The following STX6 variants were observed in gnomAD, a reference collection of about 807,000 sequenced individuals.
The protein encoded by STX6 is syntaxin 6.
STX6 carries 23 observed loss-of-function variants against 38.0 expected under a neutral mutation model. That is an observed-to-expected ratio of 0.60 (90% CI 0.43 to 0.86). STX6 has a LOEUF of 0.86. STX6 is among the 40% of genes least tolerant of loss of function. The pLI, the probability that STX6 is intolerant of heterozygous loss-of-function variation, is 0.00. For synonymous variants in STX6, 123 were observed against 107.5 expected (o/e 1.14, Z -0.89); for missense variants, 274 against 312.9 (o/e 0.88, Z 0.94).
At chr1:180,985,627 A>G (rs185117741) in intron 6 of STX6, among the ~76,000 whole-genome samples, 6 of 152,366 alleles carry the variant, frequency 3.9e-5, no homozygotes, top group Admixed American at 2.0e-4. Context: ...AACTGACTCC[A>G]GCAGGCTTAC....
intron 3 of STX6, among the ~76,000 whole-genome samples, chr1:181,000,971 A>G (rs1007131059): frequency 6.6e-6 from 1 of 152,126 alleles, no homozygotes; most frequent in Non-Finnish European, 1.5e-5. Flanking sequence ...TCATCAGAAC[A>G]GTATTTTGAA....
At chr1:180,984,517 C>A (rs1655514284) in intron 7 of STX6, among the ~76,000 whole-genome samples, 160 bp downstream of exon 7, 2 of 151,970 alleles carry the variant, frequency 1.3e-5, no homozygotes, top group Non-Finnish European at 2.9e-5. Flanking sequence ...CCACTGCACT[C>A]CAGCCTGGGT....
intron 5 of STX6, chr1:180,988,922 T>C (rs1655667740): frequency 6.6e-6 from 1 of 152,376 alleles, no homozygotes; most frequent in African/African-American, 2.4e-5. Context: ...AGAAAAAAAA[T>C]TTCCTGGGTT....
chr1:180,979,226 C>T (rs1368531169), intron 7 of STX6, among the ~76,000 whole-genome samples: 1 of 151,802 alleles, frequency 6.6e-6, no homozygotes, highest in Admixed American at 6.6e-5. Context: ...AATTTGTCAA[C>T]AGAAACCTGA....
intron 1 of STX6, among the ~76,000 whole-genome samples, chr1:181,011,581 G>GT (rs1227948239): frequency 1.3e-5 from 2 of 152,176 alleles, no homozygotes; most frequent in Non-Finnish European, 1.5e-5. Flanking sequence ...AGAACCACTT[G>GT]TAAGTACTTG....
chr1:181,016,442 G>A (rs1229722635), intron 1 of STX6, among the ~76,000 whole-genome samples: 2 of 152,024 alleles, frequency 1.3e-5, no homozygotes, highest in Non-Finnish European at 2.9e-5. Flanking sequence ...CCAAACTAAG[G>A]AGCTAAATAA....
chr1:180,980,023 A>G (rs1402590151), intron 7 of STX6, among the ~76,000 whole-genome samples: 2 of 152,144 alleles, frequency 1.3e-5, no homozygotes, highest in Non-Finnish European at 2.9e-5. Context: ...CCTGGCCAAC[A>G]TGGTGAAACC....
chr1:181,012,102 G>C (rs1267018655), intron 1 of STX6, among the ~76,000 whole-genome samples: 1 of 152,122 alleles, frequency 6.6e-6, no homozygotes, highest in Admixed American at 6.6e-5. Context: ...CCTTGAAGCA[G>C]GTATACCTTG....
chr1:181,022,171 A>G (rs6700216), intron 1 of STX6, among the ~76,000 whole-genome samples: 2,344 of 150,014 alleles, frequency 0.016, 61 homozygotes, highest in African/African-American at 0.049. Context: ...GTCTGCGGAC[A>G]AGCGCTCCAA....
In STX6 at chr1:180,976,657, G is replaced by A. The variant is rs1225757484; in HGVS notation, c.692-11C>T. Reference sequence around the variant, plus strand: ...ACCATTGGCGCCGATCTGGAAGGCAGGACATGGGGATTAGCTCTCACAGGG... The same window carrying A: ...ACCATTGGCGCCGATCTGGAAGGCAAGACATGGGGATTAGCTCTCACAGGG... On this transcript the variant is annotated splice_polypyrimidine_tract_variant and intron_variant, in intron 7 of 7. Coordinates refer to ENST00000258301, the MANE Select transcript of STX6 (RefSeq NM_005819.6). The A allele has an allele frequency of 1.2e-6, 2 of 1,612,542 alleles. No individual in the cohort carries two copies. The highest frequency in any genetic ancestry group is 1.7e-6 in the Non-Finnish European group (2 of 1,179,644).
intron 6 of STX6, 145 bp downstream of exon 6, chr1:180,988,094 A>G: frequency 1.8e-6 from 1 of 560,966 alleles, no homozygotes; most frequent in South Asian, 2.2e-5. Flanking sequence ...GGGGAGGCTA[A>G]TCTGTAAAAC....
chr1:180,999,757 A>G (rs777368447), intron 3 of STX6, among the ~76,000 whole-genome samples: 3 of 152,224 alleles, frequency 2.0e-5, no homozygotes, highest in Admixed American at 6.5e-5. Context: ...GATAAAGTCA[A>G]TCAAAATTTT....
chr1:181,010,214 TG>T (rs1656352194), intron 1 of STX6, among the ~76,000 whole-genome samples: 1 of 152,214 alleles, frequency 6.6e-6, no homozygotes, highest in South Asian at 2.1e-4. Context: ...TGCTTTTTAT[TG>T]TAGGTAAATT....
chr1:180,984,929 T>C (rs1292877374), intron 6 of STX6, among the ~76,000 whole-genome samples, 158 bp from the exon 7 acceptor site: 1 of 152,170 alleles, frequency 6.6e-6, no homozygotes, highest in African/African-American at 2.4e-5. Context: ...TGGGACAAGA[T>C]AGGATTTTGA....
intron 7 of STX6, among the ~76,000 whole-genome samples, chr1:180,979,321 C>T (rs1187702390): frequency 6.6e-6 from 1 of 152,024 alleles, no homozygotes; most frequent in Non-Finnish European, 1.5e-5. Context: ...TAACATCAAT[C>T]AAGATAATGT....
chr1:180,978,442 T>C (rs750122099), intron 7 of STX6, among the ~76,000 whole-genome samples: 2 of 152,076 alleles, frequency 1.3e-5, no homozygotes, highest in Non-Finnish European at 2.9e-5. Flanking sequence ...AAGTCTGAGA[T>C]GAAAAACAAA....
chr1:181,007,650 T>C (rs1270608018), intron 1 of STX6, among the ~76,000 whole-genome samples: 2 of 152,366 alleles, frequency 1.3e-5, no homozygotes, highest in South Asian at 2.1e-4. Context: ...TACACAATGA[T>C]GATGCTGGAA....
Position 181,022,704 on chromosome 1 carries a change from T to C in STX6, c.-31A>G, listed in dbSNP as rs1165098036. 1 of 1,595,340 alleles carries C rather than the reference T, an allele frequency of 6.3e-7. No homozygotes were observed. On this transcript the variant is annotated 5_prime_UTR_variant, in exon 1 of 8. Transcript: ENST00000258301. ...CCCGGCCCCGGCCGCCTTCACCTCC[T>C]CCGCGCACAGGGCGCCCGTGCCTCC...
At chr1:180,994,707 T>C (rs1411876259) in intron 3 of STX6, among the ~76,000 whole-genome samples, 1 of 152,158 alleles carries the variant, frequency 6.6e-6, no homozygotes, top group Non-Finnish European at 1.5e-5. Context: ...GAGAGGTTGA[T>C]TAATGGGTAA....
Sources: allele counts gnomAD v4.1 joint callset (sites outside exome capture counted in the v4.1 genomes callset), GRCh38; gene constraint gnomAD v4.1.1; transcripts MANE v1.5; gene names NCBI Gene and HGNC (gene_info 2026-07-23, HGNC 2026-07-21).